Variants in UBE3B observed in about 807,000 individuals in gnomAD.
UBE3B encodes ubiquitin-protein ligase E3B.
In UBE3B, 80 loss-of-function variants were observed where a neutral mutation model predicts 132.3. That is an observed-to-expected ratio of 0.60 (90% CI 0.50 to 0.73). The LOEUF (loss-of-function observed/expected upper bound fraction) is 0.73. UBE3B is among the 30% of genes least tolerant of loss of function. The pLI is 0.00. For synonymous variants in UBE3B, 487 were observed against 520.4 expected, an observed-to-expected ratio of 0.94 and a Z score of 0.87; for missense variants, 1,196 against 1,362.5, an observed-to-expected ratio of 0.88 and a Z score of 1.92.
chr12:109,524,636 GC>G, intron 23 of UBE3B, 133 bp downstream of exon 23: 1 of 944,964 alleles, frequency 1.1e-6, no homozygotes, highest in East Asian at 2.7e-5. Context: ...CCCACCCCTC[GC>G]CCATCCTCCT....
rs375032042 is a variant in UBE3B at position 109,524,073 on chromosome 12, T to C, written c.2460T>C (p.Pro820=). 9 of 1,614,066 alleles carry C rather than the reference T, an allele frequency of 5.6e-6. No individual in the cohort carries two copies. Among genetic ancestry groups the C allele is most frequent in the African/African-American group, 2.7e-5 (2 of 74,932 alleles). The change falls in exon 22 of 28, where the codon CCT becomes CCC. Residue 820 remains proline, a synonymous_variant. Coordinates refer to ENST00000342494, the MANE Select transcript of UBE3B (RefSeq NM_130466.4). ...SVFYSSVDEL[P]SLDSEFYKNL... is the part of the protein sequence containing the mutation. ...TCTATAGCTCGGTGGATGAACTGCCTTCTCTGGACTCCGAGTTCTATAAAA... is the reference window on the plus strand; with the variant it reads ...TCTATAGCTCGGTGGATGAACTGCCCTCTCTGGACTCCGAGTTCTATAAAA...
intron 26 of UBE3B, among the ~76,000 whole-genome samples, chr12:109,531,799 T>G (rs990425392): frequency 6.6e-6 from 1 of 152,086 alleles, no homozygotes; most frequent in African/African-American, 2.4e-5. Context: ...CAAAGCAGTT[T>G]CTGCCAAGCT....
chr12:109,516,322 C>CCA (rs1881050892), intron 18 of UBE3B, among the ~76,000 whole-genome samples: 1 of 151,914 alleles, frequency 6.6e-6, no homozygotes. Flanking sequence ...CAGGTGCATG[C>CCA]CACCACACCC....
rs147273882 is a variant in UBE3B at position 109,511,470 on chromosome 12, G to T, written c.1956+167G>T. Among the ~76,000 whole-genome samples, 15 of 152,330 alleles carry T rather than the reference G, an allele frequency of 9.8e-5. No individual in the cohort carries two copies. In the East Asian group the frequency reaches 2.3e-3, roughly 24 times the overall value. ...TTGGTGAGGTTACACCCAGTGCTGG[G>T]GTACAGAGCTGGAGAAGACAGTGTG... On this transcript the variant is annotated intron_variant, in intron 18 of 27. Transcript: ENST00000342494.
Position 109,534,662 on chromosome 12 carries a change from C to T in UBE3B, c.3087C>T (p.Arg1029=). Residue 1029 remains arginine (R), a synonymous_variant, in exon 28 of 28, where the codon CGC becomes CGT. Transcript: ENST00000342494. This position sits in a 1 kb window ranked among gnomAD's most constrained non-coding sequence, Gnocchi z 5.2. Reference sequence around the variant, plus strand: ...TCCGCAAGCGGGAGCCAGGCGGCCGCCTGCCCACCTCCTCCACCTGCTTCA... The same window carrying T: ...TCCGCAAGCGGGAGCCAGGCGGCCGTCTGCCCACCTCCTCCACCTGCTTCA... ...FTIRKREPGG[R]LPTSSTCFNL... is the part of the protein sequence containing the mutation. 6.2e-7 allele frequency: 1 copy of T among 1,611,802 alleles called. No individual in the cohort carries two copies.
At position 109,486,721 on chromosome 12, in the gene UBE3B, A is replaced by G. The variant is rs548937183; in HGVS notation, c.447+146A>G. ...ACTGTTCTGGAAGAGAGGAATTTTG[A>G]TTCTGTTATCAATATGAGCCCTCCT... On this transcript the variant is annotated intron_variant, in intron 6 of 27. Coordinates refer to ENST00000342494, the MANE Select transcript of UBE3B (RefSeq NM_130466.4). 2.0e-5 allele frequency: 14 copies of G among 702,872 alleles called. No homozygotes were observed. In the Admixed American group the frequency reaches 2.4e-4, roughly 12 times the overall value. 43.5% of individuals were successfully genotyped at this position (702,872 alleles called of 1,614,324 possible).
chr12:109,502,529 G>A (rs1322684980), intron 13 of UBE3B, among the ~76,000 whole-genome samples: 1 of 152,188 alleles, frequency 6.6e-6, no homozygotes, highest in African/African-American at 2.4e-5. Context: ...AGCAGTAAGC[G>A]TGGGCTCAGC....
intron 1 of UBE3B, among the ~76,000 whole-genome samples, chr12:109,479,909 A>G (rs1203528324): frequency 1.3e-5 from 2 of 152,028 alleles, no homozygotes; most frequent in East Asian, 3.9e-4. Flanking sequence ...TTCTAATTCC[A>G]TGGACCCTCT....
intron 15 of UBE3B, 125 bp downstream of exon 15, chr12:109,507,860 T>C (rs911338667): frequency 8.8e-7 from 1 of 1,139,746 alleles, no homozygotes. Context: ...GGCAGGGCAT[T>C]GTAAGAACTA....
chr12:109,544,363 G>A, the UBE3B span, among the ~76,000 whole-genome samples: 1 of 131,128 alleles, frequency 7.6e-6, no homozygotes, highest in Non-Finnish European at 1.6e-5. Context: ...GGGGGCCTGA[G>A]ACATCTTGTG....
intron 18 of UBE3B, among the ~76,000 whole-genome samples, chr12:109,515,472 C>T (rs967687804): frequency 1.3e-5 from 2 of 151,938 alleles, no homozygotes; most frequent in Non-Finnish European, 2.9e-5. Context: ...CAAGTTCAAG[C>T]GATTCTCCTG....
intron 15 of UBE3B, chr12:109,508,973 G>A (rs747311414): frequency 1.9e-5 from 3 of 154,976 alleles, no homozygotes; most frequent in Non-Finnish European, 4.3e-5. Context: ...TAAGGAAGGC[G>A]TGAATTGAGG....
At chr12:109,484,021 G>A (rs769962517) in intron 4 of UBE3B, 40 bp downstream of exon 4, 1 of 1,565,198 alleles carries the variant, frequency 6.4e-7, no homozygotes, top group South Asian at 1.2e-5. Context: ...ACTTCCATAT[G>A]TCAGATCTTT....
chr12:109,534,271 C>T lies in UBE3B; in HGVS notation c.3016-320C>T, dbSNP rs1322513535. On this transcript the variant is annotated intron_variant, in intron 27 of 27. Transcript: ENST00000342494. The surrounding 1 kb of genome is among the most constrained non-coding windows in gnomAD (Gnocchi z 5.2). ...AGTGCATTCAGAAATGTTTGGGCACCTAACAGTTTTTACAGCATTCTACTT... is the reference window on the plus strand; with the variant it reads ...AGTGCATTCAGAAATGTTTGGGCACTTAACAGTTTTTACAGCATTCTACTT... The T allele has an allele frequency of 7.5e-7, 1 of 1,328,356 alleles. No individual in the cohort carries two copies. The allele number at this position is 1,328,356 out of a possible 1,614,324, so 82.3% of individuals were successfully genotyped here. A position where few individuals can be genotyped will look rare whatever the true frequency, so the allele number is the denominator to read the frequency against.
chr12:109,501,311 C>T, intron 12 of UBE3B, 60 bp from the exon 13 acceptor site: 1 of 1,602,194 alleles, frequency 6.2e-7, no homozygotes, highest in Non-Finnish European at 8.5e-7. Flanking sequence ...ACTGTGTGGG[C>T]TGGCCCTGGC....
chr12:109,545,617 C>T, the UBE3B span, among the ~76,000 whole-genome samples: 2 of 152,192 alleles, frequency 1.3e-5, no homozygotes, highest in Middle Eastern at 3.2e-3. Flanking sequence ...CTCCAGAGCC[C>T]TCACTCGGTT....
At chr12:109,496,732 G>A (rs1369144760) in intron 9 of UBE3B, among the ~76,000 whole-genome samples, 1 of 152,162 alleles carries the variant, frequency 6.6e-6, no homozygotes, top group Non-Finnish European at 1.5e-5. Flanking sequence ...TTAATTGGAT[G>A]TTTCATCTTT....
At chr12:109,497,741 G>T in intron 9 of UBE3B, 77 bp from the exon 10 acceptor site, 1 of 1,393,770 alleles carries the variant, frequency 7.2e-7, no homozygotes, top group South Asian at 1.2e-5. Flanking sequence ...AGGAATTTGA[G>T]CACGTTGGTG....
chr12:109,487,227 T>C (rs1876655222), intron 6 of UBE3B, among the ~76,000 whole-genome samples: 1 of 152,126 alleles, frequency 6.6e-6, no homozygotes, highest in Non-Finnish European at 1.5e-5. Flanking sequence ...GCAAGAGGAA[T>C]GGGGTACTGC....
Sources: gnomAD v4.1 joint callset for allele counts (sites outside exome capture counted in the v4.1 genomes callset) on GRCh38, gnomAD v4.1.1 for gene constraint, Gnocchi (gnomAD v3.1) non-coding constraint, MANE v1.5 for transcripts, NCBI Gene and HGNC (gene_info 2026-07-23, HGNC 2026-07-21) for gene names.